The following OR2T6 variants were observed in gnomAD, a reference collection of about 807,000 sequenced individuals.
OR2T6 encodes the protein olfactory receptor 2T6.
For synonymous variants in OR2T6, 174 were observed against 148.0 expected, an observed-to-expected ratio of 1.18 and a Z score of -1.27; for missense variants, 424 against 391.6, an observed-to-expected ratio of 1.08 and a Z score of -0.70.
At chr1:248,378,704 A>G (rs1235202238) in intron 1 of OR2T6, among the ~76,000 whole-genome samples, 1 of 152,186 alleles carries the variant, frequency 6.6e-6, no homozygotes. Context: ...TTTTCCCCAG[A>G]CAATTCATAT....
At chr1:248,377,581 G>A (rs980672741) in intron 1 of OR2T6, among the ~76,000 whole-genome samples, 25 of 152,340 alleles carry the variant, frequency 1.6e-4, no homozygotes, top group African/African-American at 4.6e-4. Flanking sequence ...CATGGGGCTC[G>A]CCCCTGTCAG....
chr1:248,385,017 A>G (rs1267409914), intron 2 of OR2T6, among the ~76,000 whole-genome samples, 153 bp downstream of exon 2: 1 of 152,226 alleles, frequency 6.6e-6, no homozygotes, highest in Non-Finnish European at 1.5e-5. Context: ...CACTGTGCTG[A>G]GAACACTCCT....
rs1661246651 is a variant in OR2T6 at position 248,391,358 on chromosome 1, A to G, written c.*2823A>G. ...GTATATTGTGAAGTGAAAGAAGCCA[A>G]TCTGAAAAGGCTGCATACTGTGTGA... On this transcript the variant is annotated 3_prime_UTR_variant, in exon 3 of 3. Coordinates refer to ENST00000641644, the MANE Select transcript of OR2T6 (RefSeq NM_001005471.2). 1 of 152,210 alleles carries G rather than the reference A, an allele frequency of 6.6e-6. No individual in the cohort carries two copies. The highest frequency in any genetic ancestry group is 2.4e-5 in the African/African-American group (1 of 41,448). 9.4% of individuals were successfully genotyped at this position (152,210 alleles called of 1,614,324 possible).
rs773197375 is a variant in OR2T6 at position 248,382,532 on chromosome 1, C to CTTTTTTTTTTTTT, written c.-158-2176_-158-2175insTTTTTTTTTTTTT. Among the ~76,000 whole-genome samples the CTTTTTTTTTTTTT allele has an allele frequency of 2.6e-5, 3 of 117,294 alleles. 1 individual carries two copies. The highest frequency in any genetic ancestry group is 5.5e-5 in the Non-Finnish European group (3 of 54,876). The allele number at this position is 117,294 out of a possible 152,430, so 76.9% of individuals were successfully genotyped here. ...CAATACTCCATGTCTACCTTTCTTT[C>CTTTTTTTTTTTTT]TTTCTTTTTTTTTTTTTTTAGATGG... On this transcript the variant is annotated intron_variant, in intron 1 of 2. Transcript: ENST00000641644.
In OR2T6 at chr1:248,388,091, C is replaced by G. The variant is rs779061644; in HGVS notation, c.483C>G (p.Pro161=). 2 of 1,614,056 alleles carry G rather than the reference C, an allele frequency of 1.2e-6. No individual in the cohort carries two copies. Among genetic ancestry groups the G allele is most frequent in the Non-Finnish European group, 1.7e-6 (2 of 1,180,028 alleles). Residue 161 remains proline (P), a synonymous_variant, in exon 3 of 3, where the codon CCC becomes CCG. Transcript: ENST00000641644. ...GGALDSFLLT[P]ITMSLPFCAS... is the part of the protein sequence containing the mutation. ...CTTTGGACAGTTTTCTCCTCACCCC[C>G]ATTACCATGAGTCTCCCGTTCTGTG...
chr1:248,385,696 G>C (rs1472428531), intron 2 of OR2T6, among the ~76,000 whole-genome samples: 1 of 152,198 alleles, frequency 6.6e-6, no homozygotes, highest in African/African-American at 2.4e-5. Flanking sequence ...GTGTCCCCTA[G>C]TGCTCAACAG....
chr1:248,380,595 G>A (rs1035452094), intron 1 of OR2T6, among the ~76,000 whole-genome samples: 2 of 151,662 alleles, frequency 1.3e-5, no homozygotes. Flanking sequence ...ATTATTAGAG[G>A]TTATAAAATT....
At chr1:248,378,395 A>G (rs1374073079) in intron 1 of OR2T6, among the ~76,000 whole-genome samples, 1 of 152,180 alleles carries the variant, frequency 6.6e-6, no homozygotes, top group African/African-American at 2.4e-5. Context: ...CTTGTACTTA[A>G]GTTTTTGAGC....
At chr1:248,379,799 G>A (rs1558304591) in intron 1 of OR2T6, among the ~76,000 whole-genome samples, 1 of 152,012 alleles carries the variant, frequency 6.6e-6, no homozygotes, top group African/African-American at 2.4e-5. Flanking sequence ...TTTTGGGAAA[G>A]CAGAATTCCA....
Position 248,376,454 on chromosome 1 carries a change from A to T in OR2T6, c.-159+400A>T, listed in dbSNP as rs574935775. 2.6e-5 allele frequency among the ~76,000 whole-genome samples: 4 copies of T among 152,322 alleles called. No homozygotes were observed. The East Asian group carries it at 5.8e-4, about 22-fold the overall frequency. On this transcript the variant is annotated intron_variant, in intron 1 of 2. Coordinates refer to ENST00000641644, the MANE Select transcript of OR2T6 (RefSeq NM_001005471.2). Reference sequence around the variant, plus strand: ...AAACTAAAAACATAGGTTACTGTTGAACTGTTCCTGAATACTGTCAAACTC... The same window carrying T: ...AAACTAAAAACATAGGTTACTGTTGTACTGTTCCTGAATACTGTCAAACTC...
Position 248,388,388 on chromosome 1 carries a change from G to A in OR2T6, c.780G>A (p.Thr260=), listed in dbSNP as rs564446960. Residue 260 remains threonine (T), a synonymous_variant, in exon 3 of 3, where the codon ACG becomes ACA. Transcript: ENST00000641644. ...LFYGAALYTY[T]LPQSYHTPIK... ...ATGGGGCTGCCTTGTATACGTATAC[G>A]CTTCCCCAATCTTACCACACCCCAA... 5.6e-6 allele frequency: 9 copies of A among 1,613,558 alleles called. No homozygotes were observed. The highest frequency in any genetic ancestry group is 2.2e-5 in the East Asian group (1 of 44,860).
chr1:248,382,171 C>A (rs1661046278), intron 1 of OR2T6, among the ~76,000 whole-genome samples: 1 of 152,196 alleles, frequency 6.6e-6, no homozygotes, highest in African/African-American at 2.4e-5. Context: ...CATTGTATAT[C>A]TTCAGTTTAG....
chr1:248,391,567 A>G lies in OR2T6; in HGVS notation c.*3032A>G, dbSNP rs906497441. ...AAGATTATGCTACATGGTACTATGTATTTGTGGAAAAAAACATACAACTCT... is the reference window on the plus strand; with the variant it reads ...AAGATTATGCTACATGGTACTATGTGTTTGTGGAAAAAAACATACAACTCT... On this transcript the variant is annotated 3_prime_UTR_variant, in exon 3 of 3. Coordinates refer to ENST00000641644, the MANE Select transcript of OR2T6 (RefSeq NM_001005471.2). The G allele has an allele frequency of 8.5e-5, 13 of 152,208 alleles. No individual in the cohort carries two copies. Among genetic ancestry groups the G allele is most frequent in the Admixed American group, 2.0e-4 (3 of 15,260 alleles). The allele number at this position is 152,208 out of a possible 1,614,324, so 9.4% of individuals were successfully genotyped here.
At chr1:248,385,541 G>T (rs918351401) in intron 2 of OR2T6, among the ~76,000 whole-genome samples, 2 of 152,272 alleles carry the variant, frequency 1.3e-5, no homozygotes, top group African/African-American at 4.8e-5. Flanking sequence ...CATATCTTTT[G>T]CTAAAAGATT....
rs977880759 is a variant in OR2T6 at position 248,385,997 on chromosome 1, C to A, written c.-5+1133C>A. On this transcript the variant is annotated intron_variant, in intron 2 of 2. Transcript: ENST00000641644. ...TTTTTAAGTAATGTGCATTAGGGCACATTGCAAATGATGAAGCCAGAACCC... is the reference window on the plus strand; with the variant it reads ...TTTTTAAGTAATGTGCATTAGGGCAAATTGCAAATGATGAAGCCAGAACCC... Among the ~76,000 whole-genome samples, 3 of 152,142 alleles carry A rather than the reference C, an allele frequency of 2.0e-5. 1 individual carries two copies. The highest frequency in any genetic ancestry group is 4.4e-5 in the Non-Finnish European group (3 of 68,038).
intron 1 of OR2T6, among the ~76,000 whole-genome samples, chr1:248,377,419 G>A (rs375857126): frequency 4.7e-4 from 72 of 152,320 alleles, no homozygotes; most frequent in African/African-American, 1.6e-3. Context: ...ACAAGGCTGT[G>A]CTAATGGCTG....
intron 1 of OR2T6, among the ~76,000 whole-genome samples, chr1:248,383,367 T>A (rs61832936): frequency 0.011 from 154 of 14,314 alleles, no homozygotes; most frequent in South Asian, 0.017. Flanking sequence ...CCTATCCTGA[T>A]GTGTTTCCTA....
At position 248,388,135 on chromosome 1, in the gene OR2T6, A is replaced by C. The variant is rs762468531; in HGVS notation, c.527A>C (p.His176Pro). ...LPFCASHQIN[H>P]FFCEAPTMLR... ...TTCTGTGCCTCTCACCAAATCAATCACTTTTTCTGTGAGGCACCCACCATG... is the reference window on the plus strand; with the variant it reads ...TTCTGTGCCTCTCACCAAATCAATCCCTTTTTCTGTGAGGCACCCACCATG... Residue 176 changes from histidine (H) to proline (P), a missense_variant, in exon 3 of 3, where the codon CAC becomes CCC. By Grantham distance (77) the His-to-Pro change is moderately conservative. Transcript: ENST00000641644. 4.3e-6 allele frequency: 7 copies of C among 1,613,156 alleles called. No individual in the cohort carries two copies. In the South Asian group the frequency reaches 7.7e-5, roughly 18 times the overall value.
Position 248,387,936 on chromosome 1 carries a change from G to A in OR2T6, c.328G>A (p.Ala110Thr). The A allele has an allele frequency of 6.2e-7, 1 of 1,606,504 alleles. No homozygotes were observed. The highest frequency in any genetic ancestry group is 1.1e-5 in the South Asian group (1 of 89,252). ...CTTTCTCTACATGGGCTTTATGGGG[G>A]CTGAATTCTTCCTGCTGGGGCTCAT... ...QCFLYMGFMG[A>T]EFFLLGLMAY... The change falls in exon 3 of 3, where the codon GCT becomes ACT. Residue 110 changes from alanine to threonine, a missense_variant. Physicochemically the swap from Ala to Thr is moderately conservative, Grantham distance 58 (BLOSUM62 0). Coordinates refer to ENST00000641644, the MANE Select transcript of OR2T6 (RefSeq NM_001005471.2).
Sources: allele counts gnomAD v4.1 joint callset (sites outside exome capture counted in the v4.1 genomes callset), GRCh38; gene constraint gnomAD v4.1.1; transcripts MANE v1.5; gene names NCBI Gene and HGNC (gene_info 2026-07-23, HGNC 2026-07-21).